Variants in ANXA10 observed in about 807,000 individuals in gnomAD.
ANXA10 encodes annexin A10.
ANXA10 carries 49 observed loss-of-function variants against 53.5 expected under a neutral mutation model. The observed-to-expected ratio is 0.92, with a 90% CI of 0.73 to 1.16. The LOEUF is 1.16. ANXA10 is among the 50% of genes most tolerant of loss of function. The probability of loss-of-function intolerance (pLI) is 0.00; values close to 1 mark genes in which losing one functional copy is unlikely to be tolerated. For synonymous variants in ANXA10, 131 were observed against 128.9 expected (o/e 1.02, Z -0.11); for missense variants, 393 against 394.4 (o/e 1.00, Z 0.03).
chr4:168,150,588 G>A (rs1731480001), intron 3 of ANXA10, among the ~76,000 whole-genome samples: 1 of 152,102 alleles, frequency 6.6e-6, no homozygotes, highest in South Asian at 2.1e-4. Context: ...TGCAGAACAG[G>A]GTGGCTGAAT....
chr4:168,182,110 T>G (rs1318203327), intron 10 of ANXA10, among the ~76,000 whole-genome samples: 1 of 152,108 alleles, frequency 6.6e-6, no homozygotes, highest in Non-Finnish European at 1.5e-5. Flanking sequence ...GTCAAAATAT[T>G]ACAAACTCTC....
chr4:168,148,911 G>A (rs1038596296), intron 3 of ANXA10, among the ~76,000 whole-genome samples: 3 of 151,526 alleles, frequency 2.0e-5, no homozygotes, highest in African/African-American at 7.3e-5. Flanking sequence ...TAGAATTCTG[G>A]GTGGAACTCT....
At chr4:168,176,551 T>C (rs1041582826) in intron 6 of ANXA10, among the ~76,000 whole-genome samples, 7 of 152,132 alleles carry the variant, frequency 4.6e-5, no homozygotes, top group Non-Finnish European at 8.8e-5. Flanking sequence ...CTCAGCTAGA[T>C]TGCAAGTTCC....
intron 1 of ANXA10, among the ~76,000 whole-genome samples, chr4:168,107,950 T>A (rs1730743852): frequency 1.3e-5 from 2 of 152,184 alleles, no homozygotes; most frequent in Non-Finnish European, 2.9e-5. Flanking sequence ...CTTAGGCAAT[T>A]AAATATTCAT....
intron 1 of ANXA10, among the ~76,000 whole-genome samples, chr4:168,096,309 C>T (rs1330911695): frequency 6.6e-6 from 1 of 152,122 alleles, no homozygotes; most frequent in Non-Finnish European, 1.5e-5. Flanking sequence ...AAAGGTTATT[C>T]ATACTTCAGA....
In ANXA10 at chr4:168,164,287, G is replaced by C. The variant is rs376038129; in HGVS notation, c.399G>C (p.Leu133Phe). Residue 133 changes from leucine to phenylalanine, a missense_variant and splice_region_variant, in exon 5 of 12, where the codon TTG (leucine) becomes TTC (phenylalanine). By Grantham distance (22) the Leu-to-Phe change is conservative (BLOSUM62 0). Transcript: ENST00000359299. ...TCCAGATGCGAGAAGCCTACTGCTT[G>C]CGTAAGGAAATATACATATGTGAAT... ...EIFQMREAYC[L>F]QYSNNLQEDI... 1.0e-5 allele frequency: 16 copies of C among 1,602,872 alleles called. No individual in the cohort carries two copies. The African/African-American group carries it at 2.1e-4, about 21-fold the overall frequency.
rs114660368 is a variant in ANXA10, at chr4:168,168,167, T to C, written c.480+2841T>C. ...CCTTCCAAGAAGTGATCCAGAGACT[T>C]AGTCTCCTTCCACCGTTACAACTGG... On this transcript the variant is annotated intron_variant, in intron 6 of 11. Transcript: ENST00000359299. Among the ~76,000 whole-genome samples, 718 of 152,248 alleles carry C rather than the reference T, an allele frequency of 4.7e-3. 6 individuals carry two copies. The highest frequency in any genetic ancestry group is 0.016 in the African/African-American group (681 of 41,530).
chr4:168,141,561 G>A (rs564456316), intron 3 of ANXA10, among the ~76,000 whole-genome samples: 3 of 152,214 alleles, frequency 2.0e-5, no homozygotes, highest in East Asian at 3.9e-4. Context: ...GTTTCCATGC[G>A]CTACTAAAAA....
At chr4:168,106,003 A>G (rs1730714646) in intron 1 of ANXA10, among the ~76,000 whole-genome samples, 1 of 151,452 alleles carries the variant, frequency 6.6e-6, no homozygotes, top group Non-Finnish European at 1.5e-5. Context: ...TTTTCTTTGT[A>G]GATATGTTTA....
chr4:168,179,237 A>G lies in ANXA10; in HGVS notation c.649A>G (p.Ile217Val), dbSNP rs772328727. 1 of 1,609,568 alleles carries G rather than the reference A, an allele frequency of 6.2e-7. No homozygotes were observed. The highest frequency in any genetic ancestry group is 8.5e-7 in the Non-Finnish European group (1 of 1,178,082). ...LRLVFQEFQNISGQDMVDAIN... is the reference protein window; with the variant it reads ...LRLVFQEFQNVSGQDMVDAIN... ...TAAAGTTTTCCAGGAATTTCAAAAT[A>G]TTTCTGGGCAAGATATGGTAGATGC... is the stretch of plus-strand genomic sequence containing the variant. The change falls in exon 9 of 12, where the codon ATT becomes GTT. Residue 217 changes from isoleucine (I) to valine (V), a missense_variant. Coordinates refer to ENST00000359299, the MANE Select transcript of ANXA10 (RefSeq NM_007193.5).
rs1474762537 is a variant in ANXA10 at position 168,156,027 on chromosome 4, ATATATAG to A, written c.196-6497_196-6491del. ...TATTATATGTTATATATAATATATTATATATAGTATTATATTATATATTATATATTAT... is the reference window on the plus strand; with the variant it reads ...TATTATATGTTATATATAATATATTATATTATATTATATATTATATATTAT... On this transcript the variant is annotated intron_variant, in intron 3 of 11. Coordinates refer to ENST00000359299, the MANE Select transcript of ANXA10 (RefSeq NM_007193.5). Among the ~76,000 whole-genome samples, 56 of 27,514 alleles carry A rather than the reference ATATATAG, an allele frequency of 2.0e-3. 1 individual carries two copies. Among genetic ancestry groups the A allele is most frequent in the Non-Finnish European group, 2.9e-3 (50 of 17,222 alleles). 18.1% of individuals were successfully genotyped at this position (27,514 alleles called of 152,430 possible).
At chr4:168,158,788 A>G (rs1560785659) in intron 3 of ANXA10, among the ~76,000 whole-genome samples, 1 of 152,160 alleles carries the variant, frequency 6.6e-6, no homozygotes, top group Non-Finnish European at 1.5e-5. Context: ...CTTTTGCTAC[A>G]TTAGTTGGTT....
chr4:168,115,499 A>G (rs4692856), intron 1 of ANXA10, among the ~76,000 whole-genome samples: 1,251 of 45,862 alleles, frequency 0.027, 8 homozygotes, highest in African/African-American at 0.18. Context: ...ATACACACGC[A>G]CACACACACA....
chr4:168,134,852 T>A (rs1578908321), intron 2 of ANXA10, among the ~76,000 whole-genome samples: 1 of 152,300 alleles, frequency 6.6e-6, no homozygotes, highest in African/African-American at 2.4e-5. Flanking sequence ...AGTGATACAG[T>A]CATCTATGTT....
chr4:168,093,646 C>T (rs975763586), intron 1 of ANXA10, among the ~76,000 whole-genome samples: 1 of 152,152 alleles, frequency 6.6e-6, no homozygotes, highest in African/African-American at 2.4e-5. Flanking sequence ...CACTGCACTC[C>T]AGCCTGGGCG....
intron 6 of ANXA10, among the ~76,000 whole-genome samples, chr4:168,173,007 C>T (rs55957705): frequency 0.011 from 1,682 of 152,190 alleles, 32 homozygotes; most frequent in African/African-American, 0.037. Context: ...CCAGGCTTGT[C>T]TTGAACTCCT....
Position 168,177,870 on chromosome 4 carries a change from TC to T in ANXA10, c.535-19del. 1 of 1,614,128 alleles carries T rather than the reference TC, an allele frequency of 6.2e-7. No individual in the cohort carries two copies. Among genetic ancestry groups the T allele is most frequent in the Non-Finnish European group, 8.5e-7 (1 of 1,179,988 alleles). ...GCTGGAGTGGTTCTGATGCTACTTC[TC>T]TGCTGGCTAATGTTCCAGGTCCTAT... is the stretch of plus-strand genomic sequence containing the variant. On this transcript the variant is annotated intron_variant, in intron 7 of 11. Transcript: ENST00000359299.
intron 1 of ANXA10, among the ~76,000 whole-genome samples, chr4:168,095,916 C>T (rs769627367): frequency 1.5e-4 from 23 of 152,080 alleles, no homozygotes; most frequent in Non-Finnish European, 2.6e-4. Context: ...TACAAAGATG[C>T]TTTGACTCAT....
chr4:168,142,137 T>C (rs78876743), intron 3 of ANXA10, among the ~76,000 whole-genome samples: 1 of 152,160 alleles, frequency 6.6e-6, no homozygotes, highest in African/African-American at 2.4e-5. Context: ...ATGTAAGCGG[T>C]GGGTGGTCCC....
Sources: gnomAD v4.1 joint callset for allele counts (sites outside exome capture counted in the v4.1 genomes callset) on GRCh38, gnomAD v4.1.1 for gene constraint, MANE v1.5 for transcripts, NCBI Gene and HGNC (gene_info 2026-07-23, HGNC 2026-07-21) for gene names.